The following MACROD2 variants were observed in gnomAD, a reference collection of about 807,000 sequenced individuals.
MACROD2 encodes the protein mono-ADP ribosylhydrolase 2.
MACROD2 carries 36 observed loss-of-function variants against 70.4 expected under a neutral mutation model. The ratio of observed to expected loss-of-function variants is 0.51; its 90% CI spans 0.39 to 0.68. The LOEUF (loss-of-function observed/expected upper bound fraction) is 0.68. Ranked by LOEUF, MACROD2 falls within the 30% of genes least tolerant of loss-of-function variation. The pLI is 0.00. For synonymous variants in MACROD2, 172 were observed against 178.8 expected, an observed-to-expected ratio of 0.96 and a Z score of 0.30; for missense variants, 496 against 538.4, an observed-to-expected ratio of 0.92 and a Z score of 0.78.
intron 8 of MACROD2, among the ~76,000 whole-genome samples, chr20:15,745,558 C>G (rs1392612361): frequency 6.6e-6 from 1 of 152,122 alleles, no homozygotes; most frequent in Non-Finnish European, 1.5e-5. Flanking sequence ...ATTCCTATGG[C>G]TTGTCTTTTC....
chr20:15,662,370 C>T (rs1568959631), intron 8 of MACROD2, among the ~76,000 whole-genome samples: 1 of 152,182 alleles, frequency 6.6e-6, no homozygotes, highest in Admixed American at 6.5e-5. Flanking sequence ...GAGTTTCAGG[C>T]TGGGATTAGG....
At chr20:15,707,197 C>T (rs1431687562) in intron 8 of MACROD2, among the ~76,000 whole-genome samples, 4 of 152,064 alleles carry the variant, frequency 2.6e-5, no homozygotes, top group Non-Finnish European at 4.4e-5. Flanking sequence ...GTGACGGAAA[C>T]GAGTATGAGG....
At chr20:15,286,955 T>G (rs1424935331) in intron 6 of MACROD2, among the ~76,000 whole-genome samples, 1 of 152,166 alleles carries the variant, frequency 6.6e-6, no homozygotes, top group African/African-American at 2.4e-5. Flanking sequence ...AAATCACTTT[T>G]TATTTAGAAA....
intron 8 of MACROD2, among the ~76,000 whole-genome samples, chr20:15,639,414 G>A (rs548981948): frequency 9.2e-5 from 14 of 152,196 alleles, no homozygotes; most frequent in African/African-American, 3.1e-4. Context: ...TCTGAAATTC[G>A]AGGTCATCCT....
intron 5 of MACROD2, among the ~76,000 whole-genome samples, chr20:14,779,804 A>G (rs1600655703): frequency 6.6e-6 from 1 of 152,268 alleles, no homozygotes; most frequent in Non-Finnish European, 1.5e-5. Context: ...ACTTTAGAAT[A>G]TCTTAAATAA....
Position 15,964,712 on chromosome 20 carries a change from G to C in MACROD2, c.908-2841G>C, listed in dbSNP as rs1473472940. Among the ~76,000 whole-genome samples the C allele has an allele frequency of 2.0e-5, 3 of 152,272 alleles. No homozygotes were observed. In the East Asian group the frequency reaches 5.8e-4, roughly 29 times the overall value. On this transcript the variant is annotated intron_variant, in intron 12 of 17. Coordinates refer to ENST00000684519, the MANE Select transcript of MACROD2 (RefSeq NM_001351661.2). ...AACCTACAACTAAATATAATGTAAT[G>C]AGATCCATGATTGAAAACATACAGA...
intron 10 of MACROD2, among the ~76,000 whole-genome samples, chr20:15,915,158 T>C (rs752928441): frequency 6.6e-6 from 1 of 152,156 alleles, no homozygotes; most frequent in Non-Finnish European, 1.5e-5. Context: ...GATGAAATCA[T>C]TGGCCAGTGA....
intron 5 of MACROD2, among the ~76,000 whole-genome samples, chr20:15,194,875 T>C (rs2076595051): frequency 6.6e-6 from 1 of 152,166 alleles, no homozygotes; most frequent in Admixed American, 6.5e-5. Context: ...CTAATCCTTT[T>C]TTCTTTCATA....
chr20:14,716,566 C>T (rs1389035528), intron 5 of MACROD2, among the ~76,000 whole-genome samples: 1 of 152,104 alleles, frequency 6.6e-6, no homozygotes, highest in African/African-American at 2.4e-5. Context: ...CTTTTCCCTC[C>T]CACCTTTTCC....
chr20:14,333,884 G>T (rs555127986), intron 3 of MACROD2, among the ~76,000 whole-genome samples: 1 of 152,284 alleles, frequency 6.6e-6, no homozygotes, highest in Non-Finnish European at 1.5e-5. Flanking sequence ...TTTAAAAATG[G>T]TTTTTAACCA....
At chr20:14,134,488 A>G (rs1476592435) in intron 3 of MACROD2, among the ~76,000 whole-genome samples, 1 of 152,190 alleles carries the variant, frequency 6.6e-6, no homozygotes, top group Non-Finnish European at 1.5e-5. Flanking sequence ...AGTCTGGTCA[A>G]CATTAACCTC....
At chr20:15,004,718 T>C (rs1453097202) in intron 5 of MACROD2, among the ~76,000 whole-genome samples, 1 of 152,188 alleles carries the variant, frequency 6.6e-6, no homozygotes, top group Non-Finnish European at 1.5e-5. Flanking sequence ...ACTCTTTGGT[T>C]GTGATAAAAA....
intron 8 of MACROD2, among the ~76,000 whole-genome samples, chr20:15,795,873 C>CGA (rs1289365179): frequency 6.6e-6 from 1 of 152,184 alleles, no homozygotes; most frequent in East Asian, 1.9e-4. Context: ...AAAAGGCCTC[C>CGA]TGTCCACAGA....
chr20:15,768,027 A>G (rs964619844), intron 8 of MACROD2, among the ~76,000 whole-genome samples: 2 of 146,430 alleles, frequency 1.4e-5, no homozygotes, highest in African/African-American at 5.1e-5. Flanking sequence ...GCATATTAGC[A>G]TCAGTTGCAA....
In MACROD2 at chr20:14,626,071, G is replaced by T. The variant is rs557859690; in HGVS notation, c.302-58772G>T. 7.9e-5 allele frequency among the ~76,000 whole-genome samples: 12 copies of T among 152,028 alleles called. 1 individual carries two copies. Among genetic ancestry groups the T allele is most frequent in the Admixed American group, 1.3e-4 (2 of 15,262 alleles). On this transcript the variant is annotated intron_variant, in intron 4 of 17. Transcript: ENST00000684519. ...AAACTTGTGACCTCGTGATCTGCCC[G>T]CCTCAGCCTCCCAAAGTGCTGGGAT...
At chr20:14,199,626 A>G (rs1407026489) in intron 3 of MACROD2, among the ~76,000 whole-genome samples, 1 of 152,170 alleles carries the variant, frequency 6.6e-6, no homozygotes, top group African/African-American at 2.4e-5. Context: ...TTGGTAGGTT[A>G]CTATGTACCA....
rs551611782 is a variant in MACROD2, at chr20:15,476,163, A to T, written c.572-23611A>T. Among the ~76,000 whole-genome samples the T allele has an allele frequency of 4.6e-5, 7 of 152,344 alleles. No individual in the cohort carries two copies. In the South Asian group the frequency reaches 1.4e-3, roughly 32 times the overall value. On this transcript the variant is annotated intron_variant, in intron 7 of 17. Transcript: ENST00000684519. ...ACTTCACAATGTTATACTTTTTCGA[A>T]TCCCAAATTCTAGCAACTATAAGAT...
chr20:14,190,574 A>G (rs551322263), intron 3 of MACROD2, among the ~76,000 whole-genome samples: 4 of 144,758 alleles, frequency 2.8e-5, no homozygotes, highest in Non-Finnish European at 6.0e-5. Flanking sequence ...TATGGGTTTG[A>G]GTTTCATTTT....
chr20:14,235,181 C>T (rs184479074), intron 3 of MACROD2, among the ~76,000 whole-genome samples: 2 of 151,968 alleles, frequency 1.3e-5, no homozygotes, highest in East Asian at 3.9e-4. Context: ...TATTTTCAAA[C>T]GTGAAGGGGA....
Sources: gnomAD v4.1 joint callset for allele counts (sites outside exome capture counted in the v4.1 genomes callset) on GRCh38, gnomAD v4.1.1 for gene constraint, MANE v1.5 for transcripts, NCBI Gene and HGNC (gene_info 2026-07-23, HGNC 2026-07-21) for gene names.